Variants in ZBTB32 observed in about 807,000 individuals in gnomAD.
ZBTB32 encodes zinc finger and BTB domain containing 32, also known as zinc finger and BTB domain-containing protein 32.
ZBTB32 carries 28 observed loss-of-function variants against 45.3 expected under a neutral mutation model. The ratio of observed to expected loss-of-function variants is 0.62; its 90% confidence interval spans 0.46 to 0.85. The LOEUF is 0.85. Among genes scored for constraint, ZBTB32 ranks in the 40% least tolerant of loss-of-function variants. ZBTB32 has a pLI of 0.00. For missense variants in ZBTB32, 587 were observed against 624.4 expected, an observed-to-expected ratio of 0.94 and a Z score of 0.64; for synonymous variants, 283 against 255.7, an observed-to-expected ratio of 1.11 and a Z score of -1.02.
At chr19:35,710,270 C>G (rs149792964) in intron 1 of ZBTB32, among the ~76,000 whole-genome samples, 365 of 152,188 alleles carry the variant, frequency 2.4e-3, no homozygotes, top group African/African-American at 8.3e-3. Flanking sequence ...TATCATATTG[C>G]CTTTTATCAC....
rs1968898935 is a variant in ZBTB32, at chr19:35,716,379, G to A, written c.1189+82G>A. On this transcript the variant is annotated intron_variant, in intron 6 of 6. Transcript: ENST00000392197. ...GTCTCCACCTGTGTGCCCGGTTCCCGCGCAATCCCCTAGCCCCGTGGCCCG... is the reference window on the plus strand; with the variant it reads ...GTCTCCACCTGTGTGCCCGGTTCCCACGCAATCCCCTAGCCCCGTGGCCCG... The A allele has an allele frequency of 8.8e-6, 14 of 1,593,214 alleles. No homozygotes were observed. The Admixed American group carries it at 1.9e-4, about 21-fold the overall frequency.
intron 1 of ZBTB32, among the ~76,000 whole-genome samples, chr19:35,707,851 G>A (rs977186618): frequency 6.6e-6 from 1 of 152,010 alleles, no homozygotes; most frequent in Non-Finnish European, 1.5e-5. Context: ...GTGTCGTGGT[G>A]CGTGCCTGTA....
At chr19:35,708,407 T>C (rs1968602112) in intron 1 of ZBTB32, among the ~76,000 whole-genome samples, 1 of 152,158 alleles carries the variant, frequency 6.6e-6, no homozygotes, top group Admixed American at 6.6e-5. Flanking sequence ...TGACTCAGCC[T>C]ATGCGAAGGG....
Position 35,715,326 on chromosome 19 carries a change from C to T in ZBTB32, c.700C>T (p.Pro234Ser). ...ESLRKLPGPL[P>S]PAGSLQTSVT... is the part of the protein sequence containing the mutation. ...TCTGCGCAAGCTCCCTGGCCCCCTT[C>T]CCCCAGCAGGCTCCCTGCAAACCAG... Residue 234 changes from proline (P) to serine (S), a missense_variant, in exon 3 of 7, where the codon CCC becomes TCC. By Grantham distance (74) the Pro-to-Ser change is moderately conservative. Transcript: ENST00000392197. The T allele has an allele frequency of 1.3e-6, 2 of 1,593,480 alleles. No homozygotes were observed.
chr19:35,707,930 C>G (rs927396190), intron 1 of ZBTB32, among the ~76,000 whole-genome samples: 1 of 151,990 alleles, frequency 6.6e-6, no homozygotes, highest in African/African-American at 2.4e-5. Flanking sequence ...TGCACTGAGC[C>G]AAGATCGTGC....
At chr19:35,712,038 A>AG (rs2146414985) in intron 1 of ZBTB32, among the ~76,000 whole-genome samples, 1 of 150,764 alleles carries the variant, frequency 6.6e-6, no homozygotes, top group East Asian at 1.9e-4. Flanking sequence ...AAAAAAAAAA[A>AG]AAAAAAAAAA....
Position 35,715,310 on chromosome 19 carries a change from G to A in ZBTB32, c.684G>A (p.Lys228=), listed in dbSNP as rs779236759. 5.0e-6 allele frequency: 8 copies of A among 1,586,914 alleles called. No individual in the cohort carries two copies. The East Asian group carries it at 1.6e-4, about 31-fold the overall frequency. ...GGGGCTCTGAGGAAAGTCTGCGCAA[G>A]CTCCCTGGCCCCCTTCCCCCAGCAG... ...NPGGSEESLR[K]LPGPLPPAGS... The change falls in exon 3 of 7, where the codon AAG becomes AAA. Residue 228 remains lysine, a synonymous_variant. Transcript: ENST00000392197.
In ZBTB32 at chr19:35,715,444, G is replaced by A. The variant is rs761180096; in HGVS notation, c.818G>A (p.Gly273Asp). 1.3e-6 allele frequency: 2 copies of A among 1,591,294 alleles called. No homozygotes were observed. Among genetic ancestry groups the A allele is most frequent in the Admixed American group, 1.8e-5 (1 of 54,608 alleles). ...WSILLMPPRY[G>D]IPFYHSTPTT... is the part of the protein sequence containing the mutation. ...ATCCTGCTGATGCCGCCCAGATATG[G>A]CATTCCCTTCTACCATAGCACCCCC... Residue 273 changes from glycine to aspartate, a missense_variant, in exon 3 of 7, where the codon GGC (glycine) becomes GAC (aspartate). By Grantham distance (94) the Gly-to-Asp change is moderately conservative (BLOSUM62 -1). Coordinates refer to ENST00000392197, the MANE Select transcript of ZBTB32 (RefSeq NM_014383.3).
chr19:35,708,767 C>T (rs1968611458), intron 1 of ZBTB32, among the ~76,000 whole-genome samples: 1 of 151,854 alleles, frequency 6.6e-6, no homozygotes, highest in Non-Finnish European at 1.5e-5. Context: ...TTCTGGAAGT[C>T]TTGGATGTAC....
chr19:35,707,304 C>G lies in ZBTB32; in HGVS notation c.-222+2681C>G, dbSNP rs140327604. 3.3e-3 allele frequency among the ~76,000 whole-genome samples: 500 copies of G among 151,086 alleles called. 7 individuals are homozygous for G. Among genetic ancestry groups the G allele is most frequent in the African/African-American group, 0.011 (472 of 41,118 alleles). ...AGTTAACCTCTCCAGCCATGAGGCTCAGAGTAATCTGTCAATCTCTTGTCA... is the reference window on the plus strand; with the variant it reads ...AGTTAACCTCTCCAGCCATGAGGCTGAGAGTAATCTGTCAATCTCTTGTCA... On this transcript the variant is annotated intron_variant, in intron 1 of 6. Transcript: ENST00000392197.
chr19:35,712,246 G>A (rs1290478381), intron 1 of ZBTB32, among the ~76,000 whole-genome samples: 1 of 152,094 alleles, frequency 6.6e-6, no homozygotes, highest in Non-Finnish European at 1.5e-5. Context: ...CGGATCATTT[G>A]AGCCCAAGAG....
chr19:35,709,878 C>G (rs1449043439), intron 1 of ZBTB32, among the ~76,000 whole-genome samples: 1 of 137,820 alleles, frequency 7.3e-6, no homozygotes, highest in East Asian at 2.1e-4. Flanking sequence ...GACTCTGTCT[C>G]AAAAAAAAAA....
chr19:35,712,502 A>G lies in ZBTB32; in HGVS notation c.-221-415A>G, dbSNP rs1351307073. ...GGATAAATGAAAATTTTGCTATAGGATCAGGGATAAGAGAATAATAAGAAA... is the reference window on the plus strand; with the variant it reads ...GGATAAATGAAAATTTTGCTATAGGGTCAGGGATAAGAGAATAATAAGAAA... On this transcript the variant is annotated intron_variant, in intron 1 of 6. Coordinates refer to ENST00000392197, the MANE Select transcript of ZBTB32 (RefSeq NM_014383.3). Among the ~76,000 whole-genome samples the G allele has an allele frequency of 5.9e-5, 9 of 152,184 alleles. 1 individual carries two copies. The highest frequency in any genetic ancestry group is 1.9e-4 in the African/African-American group (8 of 41,452).
In ZBTB32 at chr19:35,715,110, CAGG is replaced by C. The variant is rs766890211; in HGVS notation, c.487_489del (p.Glu163del). ...GGTTTCTAGAACTGGTGGGAGAGAACAGGAGATGTTGCACAAGCACTCGCCACC... is the reference window on the plus strand; with the variant it reads ...GGTTTCTAGAACTGGTGGGAGAGAACAGATGTTGCACAAGCACTCGCCACC... On this transcript the variant is annotated inframe_deletion, in exon 3 of 7. Transcript: ENST00000392197. 1.2e-5 allele frequency: 19 copies of C among 1,613,904 alleles called. No individual in the cohort carries two copies. The highest frequency in any genetic ancestry group is 1.5e-5 in the Non-Finnish European group (18 of 1,180,022).
At position 35,716,168 on chromosome 19, in the gene ZBTB32, G is replaced by C. The variant is rs1299733695; in HGVS notation, c.1060G>C (p.Ala354Pro). The part of the protein sequence containing the change: ...LATCAGHEDK[A>P]GCPPRPHPPP... The stretch of plus-strand genomic sequence containing the variant: ...AACCTGTGCGGGTCATGAGGACAAG[G>C]CAGGCTGCCCACCTCGCCCGCACCC... The change falls in exon 6 of 7, where the codon GCA becomes CCA. Residue 354 changes from alanine to proline, a missense_variant. By Grantham distance (27) the Ala-to-Pro change is conservative. Coordinates refer to ENST00000392197, the MANE Select transcript of ZBTB32 (RefSeq NM_014383.3). 6.2e-7 allele frequency: 1 copy of C among 1,613,848 alleles called. No homozygotes were observed. Among genetic ancestry groups the C allele is most frequent in the East Asian group, 2.2e-5 (1 of 44,884 alleles).
intron 2 of ZBTB32, 73 bp downstream of exon 2, chr19:35,713,106 C>CA (rs1246558667): frequency 1.3e-5 from 2 of 152,180 alleles, no homozygotes; most frequent in East Asian, 3.9e-4. Context: ...CAAGGTGACT[C>CA]AAATAGTAAA....
rs1452572271 is a variant in ZBTB32, at chr19:35,716,583, T to G, written c.1295T>G (p.Leu432Arg). Reference protein sequence around the residue: ...THGAAPYRCSLCGAGCPSLAS... With the variant: ...THGAAPYRCSRCGAGCPSLAS... ...GGGGCCGCTCCGTACCGCTGCTCCC[T>G]GTGCGGGGCCGGCTGTCCCAGCCTG... is the stretch of plus-strand genomic sequence containing the variant. Residue 432 changes from leucine (L) to arginine (R), a missense_variant, in exon 7 of 7, where the codon CTG (leucine) becomes CGG (arginine). Leu to Arg is a moderately radical substitution (Grantham distance 102). Transcript: ENST00000392197. 1 of 1,613,136 alleles carries G rather than the reference T, an allele frequency of 6.2e-7. No homozygotes were observed. Among genetic ancestry groups the G allele is most frequent in the Non-Finnish European group, 8.5e-7 (1 of 1,179,932 alleles).
intron 2 of ZBTB32, chr19:35,713,576 C>T (rs539900801): frequency 2.0e-5 from 3 of 152,416 alleles, no homozygotes; most frequent in East Asian, 3.9e-4. Flanking sequence ...GCCCCAAGGG[C>T]CCTTGCTCAC....
intron 1 of ZBTB32, among the ~76,000 whole-genome samples, chr19:35,705,512 G>A (rs1202611634): frequency 6.6e-6 from 1 of 152,148 alleles, no homozygotes; most frequent in Non-Finnish European, 1.5e-5. Context: ...TGGCCAAGAG[G>A]TTAGGCCAGT....
Sources: gnomAD v4.1 joint callset for allele counts (sites outside exome capture counted in the v4.1 genomes callset) on GRCh38, gnomAD v4.1.1 for gene constraint, MANE v1.5 for transcripts, NCBI Gene and HGNC (gene_info 2026-07-23, HGNC 2026-07-21) for gene names.